DIDO1: variants seen among roughly 807,000 people sequenced by gnomAD.
DIDO1 encodes death inducer-obliterator 1.
A neutral mutation model predicts 99.4 loss-of-function variants in DIDO1; 16 were observed. That is an observed-to-expected ratio of 0.16 (90% CI 0.11 to 0.24). The LOEUF (loss-of-function observed/expected upper bound fraction) is 0.24, where lower values mean the gene tolerates loss of function less well. Among genes scored for constraint, DIDO1 ranks in the 10% least tolerant of loss-of-function variants. The pLI is 1.00. For missense variants in DIDO1, 2,996 were observed against 3,014.0 expected (o/e 0.99, Z 0.14); for synonymous variants, 1,366 against 1,239.1 (o/e 1.10, Z -2.15).
intron 1 of DIDO1, among the ~76,000 whole-genome samples, chr20:62,920,002 T>A (rs2065107023): frequency 6.6e-6 from 1 of 152,206 alleles, no homozygotes; most frequent in South Asian, 2.1e-4. Flanking sequence ...GGACTCCTCT[T>A]GTCTCAGTAA....
chr20:62,913,046 G>A (rs2064976393), intron 2 of DIDO1, among the ~76,000 whole-genome samples: 4 of 152,138 alleles, frequency 2.6e-5, no homozygotes, highest in Non-Finnish European at 5.9e-5. Context: ...GAAAAAGAAC[G>A]AAAATACAAA....
At position 62,881,213 on chromosome 20, in the gene DIDO1, G is replaced by A. The variant is rs2147347504; in HGVS notation, c.4743C>T (p.Leu1581=). 10 of 1,604,912 alleles carry A rather than the reference G, an allele frequency of 6.2e-6. No homozygotes were observed. Among genetic ancestry groups the A allele is most frequent in the Middle Eastern group, 3.3e-4 (2 of 6,048 alleles). Residue 1581 remains leucine (L), a synonymous_variant, in exon 16 of 16, where the codon CTC becomes CTT. Transcript: ENST00000395343. This position sits in a 1 kb window ranked among gnomAD's most constrained non-coding sequence, Gnocchi z 8.3. Reference sequence around the variant, plus strand: ...GGGCACCCTGGGCACCACGTGCCGAGAGCCTGGAGAGAGGCTCCCCCTCCC... The same window carrying A: ...GGGCACCCTGGGCACCACGTGCCGAAAGCCTGGAGAGAGGCTCCCCCTCCC... ...GEGEGEPLSR[L]SARGAQGALP...
rs757294711 is a variant in DIDO1, at chr20:62,881,698, C to G, written c.4258G>C (p.Glu1420Gln). ...VERAPEAAAA[E>Q]REEVAYDPED... ...GGGTCATAGGCCACCTCTTCCCGCT[C>G]GGCTGCAGCTGCTTCAGGAGCCCTT... Residue 1420 changes from glutamate to glutamine, a missense_variant, in exon 16 of 16, where the codon GAG becomes CAG. Physicochemically the swap from Glu to Gln is conservative, Grantham distance 29. Coordinates refer to ENST00000395343, the MANE Select transcript of DIDO1 (RefSeq NM_001193369.2). This position sits in a 1 kb window ranked among gnomAD's most constrained non-coding sequence, Gnocchi z 8.3. The G allele has an allele frequency of 2.2e-5, 35 of 1,612,784 alleles. No individual in the cohort carries two copies. The highest frequency in any genetic ancestry group is 1.6e-4 in the Middle Eastern group (1 of 6,084).
chr20:62,890,825 T>C, intron 15 of DIDO1, 135 bp downstream of exon 15: 1 of 1,547,954 alleles, frequency 6.5e-7, no homozygotes, highest in Non-Finnish European at 8.7e-7. Context: ...ATCCTATTGC[T>C]AACCGCTGCG....
chr20:62,908,345 T>C (rs1052055408), intron 4 of DIDO1, among the ~76,000 whole-genome samples: 3 of 152,190 alleles, frequency 2.0e-5, no homozygotes, highest in African/African-American at 7.2e-5. Flanking sequence ...GCCAAGCCTC[T>C]GGAGACCACA....
intron 1 of DIDO1, among the ~76,000 whole-genome samples, chr20:62,936,343 A>C (rs1313779835): frequency 6.6e-6 from 1 of 151,982 alleles, no homozygotes; most frequent in African/African-American, 2.4e-5. Context: ...ATTTGAGGTC[A>C]GGAGTTCGAG....
In DIDO1 at chr20:62,879,148, T is replaced by A. The variant is rs1001541439; in HGVS notation, c.*85A>T. ...AGTCCAGAATATTCTATCCTGAATC[T>A]AAGATCGTGGCTATTTCAAAAGCTA... On this transcript the variant is annotated 3_prime_UTR_variant, in exon 16 of 16. Coordinates refer to ENST00000395343, the MANE Select transcript of DIDO1 (RefSeq NM_001193369.2). The surrounding 1 kb of genome is among the most constrained non-coding windows in gnomAD (Gnocchi z 6.3). 2.4e-6 allele frequency: 3 copies of A among 1,257,080 alleles called. No individual in the cohort carries two copies. The highest frequency in any genetic ancestry group is 3.2e-6 in the Non-Finnish European group (3 of 951,330). The allele number at this position is 1,257,080 out of a possible 1,614,324, so 77.9% of individuals were successfully genotyped here.
At chr20:62,900,371 C>T (rs2064640271) in intron 6 of DIDO1, among the ~76,000 whole-genome samples, 1 of 152,250 alleles carries the variant, frequency 6.6e-6, no homozygotes, top group African/African-American at 2.4e-5. Flanking sequence ...TCTAATTGGC[C>T]AATTTCCCCC....
intron 1 of DIDO1, among the ~76,000 whole-genome samples, chr20:62,932,761 A>T (rs925550279): frequency 2.6e-5 from 4 of 152,244 alleles, no homozygotes; most frequent in Admixed American, 2.0e-4. Flanking sequence ...TCACCCAAAC[A>T]AACTTACAAA....
At position 62,892,050 on chromosome 20, in the gene DIDO1, A is replaced by C; in HGVS notation, c.3282T>G (p.Gly1094=). The change falls in exon 14 of 16, where the codon GGT becomes GGG. Residue 1094 remains glycine (G), a synonymous_variant. Coordinates refer to ENST00000395343, the MANE Select transcript of DIDO1 (RefSeq NM_001193369.2). The part of the protein sequence containing the change: ...SEDLPDTIHI[G]GRIAPKTVWD... ...AAACTGTCTTCGGTGCGATCCTCCC[A>C]CCAATGTGAATTGTGTCAGGCAAAT... 1 of 1,613,256 alleles carries C rather than the reference A, an allele frequency of 6.2e-7. No individual in the cohort carries two copies. The highest frequency in any genetic ancestry group is 8.5e-7 in the Non-Finnish European group (1 of 1,179,894).
rs939698305 is a variant in DIDO1, at chr20:62,890,329, G to A, written c.3541+631C>T. 1.1e-5 allele frequency: 11 copies of A among 986,064 alleles called. No homozygotes were observed. In the South Asian group the frequency reaches 1.9e-4, roughly 17 times the overall value. The allele number at this position is 986,064 out of a possible 1,614,324, so 61.1% of individuals were successfully genotyped here. On this transcript the variant is annotated intron_variant, in intron 15 of 15. Transcript: ENST00000395343. ...AAAGAGCTGGTCACTAACAGAGCAC[G>A]TGGCCCCTGGAATCACCCTCAACCC...
intron 6 of DIDO1, among the ~76,000 whole-genome samples, chr20:62,904,502 A>T (rs1210263463): frequency 6.6e-6 from 1 of 152,150 alleles, no homozygotes; most frequent in Admixed American, 6.5e-5. Context: ...ATTTTTAGCC[A>T]AGCGCTGTGG....
At chr20:62,890,353 C>A (rs1489502373) in intron 15 of DIDO1, 4 of 986,576 alleles carry the variant, frequency 4.1e-6, no homozygotes, top group Non-Finnish European at 4.8e-6. Context: ...CACCCTCAAC[C>A]CTTGACAAAG....
At chr20:62,906,997 G>A in intron 5 of DIDO1, 150 bp downstream of exon 5, 2 of 758,774 alleles carry the variant, frequency 2.6e-6, no homozygotes, top group South Asian at 1.7e-5. Flanking sequence ...GAAAACTGGT[G>A]GGAAGGTGGA....
Position 62,911,709 on chromosome 20 carries a change from A to G in DIDO1, c.-2-95T>C, listed in dbSNP as rs937362570. 8.1e-6 allele frequency: 9 copies of G among 1,117,980 alleles called. No homozygotes were observed. Among genetic ancestry groups the G allele is most frequent in the Non-Finnish European group, 1.0e-5 (8 of 801,066 alleles). The allele number at this position is 1,117,980 out of a possible 1,614,324, so 69.3% of individuals were successfully genotyped here. A position where few individuals can be genotyped will look rare whatever the true frequency, so the allele number is the denominator to read the frequency against. ...CGCGCAGCAGGGGCCACCTCCCTACAAACAGTGGAGCTCTACATAAAGCAA... is the reference window on the plus strand; with the variant it reads ...CGCGCAGCAGGGGCCACCTCCCTACGAACAGTGGAGCTCTACATAAAGCAA... On this transcript the variant is annotated intron_variant, in intron 2 of 15. Coordinates refer to ENST00000395343, the MANE Select transcript of DIDO1 (RefSeq NM_001193369.2). The surrounding 1 kb of genome is among the most constrained non-coding windows in gnomAD (Gnocchi z 7.0).
chr20:62,923,850 G>C (rs1246544239), intron 1 of DIDO1, among the ~76,000 whole-genome samples: 2 of 152,212 alleles, frequency 1.3e-5, no homozygotes, highest in African/African-American at 2.4e-5. Context: ...CCCAAGGAGA[G>C]AAATGCCTCC....
chr20:62,932,694 G>C (rs2065343416), intron 1 of DIDO1, among the ~76,000 whole-genome samples: 1 of 152,104 alleles, frequency 6.6e-6, no homozygotes, highest in South Asian at 2.1e-4. Context: ...AACCTCAGCA[G>C]GAGTTAAAGG....
chr20:62,889,731 C>T (rs1437312937), intron 15 of DIDO1: 1 of 985,290 alleles, frequency 1.0e-6, no homozygotes, highest in African/African-American at 1.7e-5. Flanking sequence ...TTTCTGCCAC[C>T]CATTAGGTGG....
In DIDO1 at chr20:62,891,129, G is replaced by C. The variant is rs199767077; in HGVS notation, c.3372C>G (p.Pro1124=). Residue 1124 remains proline, a synonymous_variant, in exon 15 of 16, where the codon CCC becomes CCG. Coordinates refer to ENST00000395343, the MANE Select transcript of DIDO1 (RefSeq NM_001193369.2). ...SKELCLIRFH[P]ATEEEEVAYI... is the part of the protein sequence containing the mutation. Reference sequence around the variant, plus strand: ...AGGCGACCTCCTCTTCCTCTGTGGCGGGGTGGAAGCGGATCAGACAGAGCT... The same window carrying C: ...AGGCGACCTCCTCTTCCTCTGTGGCCGGGTGGAAGCGGATCAGACAGAGCT... 2 of 1,614,088 alleles carry C rather than the reference G, an allele frequency of 1.2e-6. No homozygotes were observed. Among genetic ancestry groups the C allele is most frequent in the Non-Finnish European group, 1.7e-6 (2 of 1,180,036 alleles).
Sources: allele counts gnomAD v4.1 joint callset (sites outside exome capture counted in the v4.1 genomes callset), GRCh38; gene constraint gnomAD v4.1.1; non-coding constraint Gnocchi (gnomAD v3.1); transcripts MANE v1.5; gene names NCBI Gene and HGNC (gene_info 2026-07-23, HGNC 2026-07-21).